BAG1: variants seen among roughly 807,000 people sequenced by gnomAD.
The protein encoded by BAG1 is BAG family molecular chaperone regulator 1.
BAG1 carries 35 observed loss-of-function variants against 35.5 expected under a neutral mutation model. That is an observed-to-expected ratio of 0.99 (90% CI 0.75 to 1.31). The LOEUF (loss-of-function observed/expected upper bound fraction) is 1.31. Among genes scored for constraint, BAG1 ranks in the 50% most tolerant of loss-of-function variants. The pLI is 0.00. For synonymous variants in BAG1, 191 were observed against 178.9 expected (o/e 1.07, Z -0.54); for missense variants, 464 against 453.6 (o/e 1.02, Z -0.21).
rs953722695 is a variant in BAG1 at position 33,261,176 on chromosome 9, A to G, written c.581-7T>C. 1.9e-6 allele frequency: 3 copies of G among 1,600,950 alleles called. No individual in the cohort carries two copies. Among genetic ancestry groups the G allele is most frequent in the Non-Finnish European group, 2.6e-6 (3 of 1,172,560 alleles). On this transcript the variant is annotated splice_polypyrimidine_tract_variant and splice_region_variant and intron_variant, in intron 2 of 6. Coordinates refer to ENST00000634734, the MANE Select transcript of BAG1 (RefSeq NM_004323.6). ...ATTTCCTTCAGAGATTTTCCTAAAAAGAGGAGAAAGGTAGGCCAAGTTGTA... is the reference window on the plus strand; with the variant it reads ...ATTTCCTTCAGAGATTTTCCTAAAAGGAGGAGAAAGGTAGGCCAAGTTGTA...
intron 2 of BAG1, among the ~76,000 whole-genome samples, chr9:33,261,473 G>A (rs889487241): frequency 6.6e-6 from 1 of 152,134 alleles, no homozygotes. Context: ...AGACTTTAAA[G>A]TCTTCAGTAG....
chr9:33,262,635 C>T lies in BAG1; in HGVS notation c.580+67G>A, dbSNP rs149947186. Reference sequence around the variant, plus strand: ...TCGTGCCATTGCACTCCAGCCTGGGCGACAAGAGTGAAACTTCGTCTCAAA... The same window carrying T: ...TCGTGCCATTGCACTCCAGCCTGGGTGACAAGAGTGAAACTTCGTCTCAAA... On this transcript the variant is annotated intron_variant, in intron 2 of 6. Coordinates refer to ENST00000634734, the MANE Select transcript of BAG1 (RefSeq NM_004323.6). 1,937 of 1,434,810 alleles carry T rather than the reference C, an allele frequency of 1.4e-3. 29 individuals carry two copies. The African/African-American group carries it at 0.026, about 19-fold the overall frequency. 88.9% of individuals were successfully genotyped at this position (1,434,810 alleles called of 1,614,324 possible).
At chr9:33,255,449 G>C (rs1272775865) in intron 6 of BAG1, 141 bp from the exon 7 acceptor site, 2 of 1,386,234 alleles carry the variant, frequency 1.4e-6, no homozygotes, top group Non-Finnish European at 2.0e-6. Flanking sequence ...TGGGCCACTG[G>C]CCTGGGTTCC....
rs187562179 is a variant in BAG1, at chr9:33,264,529, G to A, written c.146C>T (p.Ala49Val). Reference sequence around the variant, plus strand: ...GTCATGCCCGCTGGCAGTACTCCGGGCAGGTGGACGCCCAGAGGGAGGCGG... The same window carrying A: ...GTCATGCCCGCTGGCAGTACTCCGGACAGGTGGACGCCCAGAGGGAGGCGG... Residue 49 changes from alanine to valine, a missense_variant, in exon 1 of 7, where the codon GCC (alanine) becomes GTC (valine). Transcript: ENST00000634734. 1.4e-4 allele frequency: 219 copies of A among 1,571,304 alleles called. 1 individual carries two copies. The Middle Eastern group carries it at 1.7e-3, about 12-fold the overall frequency.
intron 2 of BAG1, chr9:33,262,120 T>C (rs1031812962): frequency 1.9e-5 from 24 of 1,289,498 alleles, no homozygotes; most frequent in Non-Finnish European, 2.2e-5. Context: ...GAGGGAAGAC[T>C]GCCCATGAGC....
chr9:33,262,799 G>C lies in BAG1; in HGVS notation c.483C>G (p.Ser161=). 6.2e-7 allele frequency: 1 copy of C among 1,614,078 alleles called. No individual in the cohort carries two copies. Among genetic ancestry groups the C allele is most frequent in the South Asian group, 1.1e-5 (1 of 91,068 alleles). ...CAACTGGTTCACTGCTGCCCTGCTGGGAGGTAACATGAAGGTCGTGCTTCT... is the reference window on the plus strand; with the variant it reads ...CAACTGGTTCACTGCTGCCCTGCTGCGAGGTAACATGAAGGTCGTGCTTCT... The change falls in exon 2 of 7, where the codon TCC becomes TCG. Residue 161 remains serine (S), a synonymous_variant. Transcript: ENST00000634734.
chr9:33,253,751 C>A lies in BAG1; in HGVS notation c.*1468G>T, dbSNP rs1313504159. ...TATGACTAGAGCCACAGAATGATTTCCTCATTAATCCAAAAAAAAAAAAAA... is the reference window on the plus strand; with the variant it reads ...TATGACTAGAGCCACAGAATGATTTACTCATTAATCCAAAAAAAAAAAAAA... On this transcript the variant is annotated 3_prime_UTR_variant, in exon 7 of 7. Coordinates refer to ENST00000634734, the MANE Select transcript of BAG1 (RefSeq NM_004323.6). 3.6e-5 allele frequency: 5 copies of A among 137,834 alleles called. No homozygotes were observed. Among genetic ancestry groups the A allele is most frequent in the Non-Finnish European group, 7.6e-5 (5 of 65,552 alleles). 8.5% of individuals were successfully genotyped at this position (137,834 alleles called of 1,614,324 possible).
chr9:33,253,443 G>A lies in BAG1; in HGVS notation c.*1776C>T, dbSNP rs527248567. 1.3e-5 allele frequency: 2 copies of A among 152,320 alleles called. No homozygotes were observed. Among genetic ancestry groups the A allele is most frequent in the East Asian group, 1.9e-4 (1 of 5,180 alleles). The allele number at this position is 152,320 out of a possible 1,614,324, so 9.4% of individuals were successfully genotyped here. On this transcript the variant is annotated 3_prime_UTR_variant, in exon 7 of 7. Transcript: ENST00000634734. ...ATATGAATAGTTTAGAATGGTGTTC[G>A]GCAGTTTGGTGCACAGTAACTTCTC...
In BAG1 at chr9:33,253,625, G is replaced by C. The variant is rs191119067; in HGVS notation, c.*1594C>G. ...CTGAGGTCTTAACCTGCCCAGTCCT[G>C]AATTCCTGGGACTTCAACGACTCTC... On this transcript the variant is annotated 3_prime_UTR_variant, in exon 7 of 7. Coordinates refer to ENST00000634734, the MANE Select transcript of BAG1 (RefSeq NM_004323.6). 6.6e-6 allele frequency: 1 copy of C among 152,156 alleles called. No individual in the cohort carries two copies. The highest frequency in any genetic ancestry group is 6.5e-5 in the Admixed American group (1 of 15,278). The allele number at this position is 152,156 out of a possible 1,614,324, so 9.4% of individuals were successfully genotyped here. A position where few individuals can be genotyped will look rare whatever the true frequency, so the allele number is the denominator to read the frequency against.
Position 33,264,684 on chromosome 9 carries a change from T to C in BAG1, c.-10A>G, listed in dbSNP as rs1345603908. The C allele has an allele frequency of 3.7e-6, 5 of 1,357,282 alleles. No homozygotes were observed. In the East Asian group the frequency reaches 8.8e-5, roughly 24 times the overall value. 84.1% of individuals were successfully genotyped at this position (1,357,282 alleles called of 1,614,324 possible). On this transcript the variant is annotated 5_prime_UTR_variant, in exon 1 of 7. Coordinates refer to ENST00000634734, the MANE Select transcript of BAG1 (RefSeq NM_004323.6). Reference sequence around the variant, plus strand: ...CCCCGCGCTGAGCCAGGCCCGCACTTGTTGACCGCCCAGCGATGGAAGCTG... The same window carrying C: ...CCCCGCGCTGAGCCAGGCCCGCACTCGTTGACCGCCCAGCGATGGAAGCTG...
intron 3 of BAG1, among the ~76,000 whole-genome samples, chr9:33,260,817 C>T (rs901944505): frequency 1.3e-5 from 2 of 152,138 alleles, no homozygotes; most frequent in Non-Finnish European, 2.9e-5. Flanking sequence ...TTTAACCAGA[C>T]CAAGATTCCA....
At chr9:33,258,298 C>CAAAAAAAAAAAA (rs10591225) in intron 4 of BAG1, among the ~76,000 whole-genome samples, 1 of 63,348 alleles carries the variant, frequency 1.6e-5, no homozygotes, top group Non-Finnish European at 2.5e-5. Flanking sequence ...GACTCCATAT[C>CAAAAAAAAAAAA]AAAAAAAAAA....
At chr9:33,263,642 G>A (rs181411579) in intron 1 of BAG1, among the ~76,000 whole-genome samples, 1,532 of 152,248 alleles carry the variant, frequency 0.01, 9 homozygotes, top group Non-Finnish European at 0.014. Flanking sequence ...CTAGAATCCA[G>A]GTCTCCAGAT....
At chr9:33,256,935 AG>A in intron 4 of BAG1, 27 bp from the exon 5 acceptor site, 2 of 1,573,370 alleles carry the variant, frequency 1.3e-6, no homozygotes, top group Non-Finnish European at 1.7e-6. Flanking sequence ...CATTATTGCA[AG>A]GGTTCTCTGA....
intron 5 of BAG1, among the ~76,000 whole-genome samples, chr9:33,256,167 A>G (rs939047483): frequency 4.6e-5 from 7 of 152,104 alleles, no homozygotes; most frequent in African/African-American, 1.7e-4. Flanking sequence ...TGTCTGGGCC[A>G]TAGGAACTGA....
In BAG1 at chr9:33,254,727, G is replaced by C. The variant is rs1392543045; in HGVS notation, c.*492C>G. On this transcript the variant is annotated 3_prime_UTR_variant, in exon 7 of 7. Transcript: ENST00000634734. ...AATTAGGTCACAATGAGGGATAAGT[G>C]GTCTACTTATGTGCCAAACACCTTG... The C allele has an allele frequency of 3.9e-6, 1 of 255,418 alleles. No homozygotes were observed. Among genetic ancestry groups the C allele is most frequent in the African/African-American group, 2.3e-5 (1 of 44,116 alleles). 15.8% of individuals were successfully genotyped at this position (255,418 alleles called of 1,614,324 possible).
rs1183244381 is a variant in BAG1, at chr9:33,254,969, G to A, written c.*250C>T. The A allele has an allele frequency of 3.5e-6, 5 of 1,422,650 alleles. No individual in the cohort carries two copies. Among genetic ancestry groups the A allele is most frequent in the Non-Finnish European group, 3.8e-6 (4 of 1,065,746 alleles). 88.1% of individuals were successfully genotyped at this position (1,422,650 alleles called of 1,614,324 possible). A position where few individuals can be genotyped will look rare whatever the true frequency, so the allele number is the denominator to read the frequency against. Reference sequence around the variant, plus strand: ...AAACAGCTGGGAAAATTTGGGCAGAGGTGGCCCTCTCCAGAAAAGGTGGAT... The same window carrying A: ...AAACAGCTGGGAAAATTTGGGCAGAAGTGGCCCTCTCCAGAAAAGGTGGAT... On this transcript the variant is annotated 3_prime_UTR_variant, in exon 7 of 7. Coordinates refer to ENST00000634734, the MANE Select transcript of BAG1 (RefSeq NM_004323.6).
chr9:33,255,398 C>CCT (rs774359426), intron 6 of BAG1, 90 bp from the exon 7 acceptor site: 38 of 1,588,766 alleles, frequency 2.4e-5, no homozygotes, highest in Non-Finnish European at 3.1e-5. Flanking sequence ...TTCTGGGGAA[C>CCT]CCATGGCTGA....
chr9:33,264,685 G>A lies in BAG1; in HGVS notation c.-11C>T. 2.2e-6 allele frequency: 3 copies of A among 1,358,110 alleles called. No individual in the cohort carries two copies. The highest frequency in any genetic ancestry group is 1.5e-5 in the African/African-American group (1 of 65,836). The allele number at this position is 1,358,110 out of a possible 1,614,324, so 84.1% of individuals were successfully genotyped here. ...CCCGCGCTGAGCCAGGCCCGCACTTGTTGACCGCCCAGCGATGGAAGCTGA... is the reference window on the plus strand; with the variant it reads ...CCCGCGCTGAGCCAGGCCCGCACTTATTGACCGCCCAGCGATGGAAGCTGA... On this transcript the variant is annotated 5_prime_UTR_variant, in exon 1 of 7. Transcript: ENST00000634734.
Sources: allele counts gnomAD v4.1 joint callset (sites outside exome capture counted in the v4.1 genomes callset), GRCh38; gene constraint gnomAD v4.1.1; transcripts MANE v1.5; gene names NCBI Gene and HGNC (gene_info 2026-07-23, HGNC 2026-07-21).